The following DHRSX variants were observed in gnomAD, a reference collection of about 807,000 sequenced individuals.
DHRSX encodes dehydrogenase/reductase X-linked, also known as polyprenol dehydrogenase.
A neutral mutation model predicts 34.0 loss-of-function variants in DHRSX; 31 were observed. The ratio of observed to expected loss-of-function variants is 0.91; its 90% CI spans 0.69 to 1.23. The LOEUF (loss-of-function observed/expected upper bound fraction) is 1.23. Ranked by LOEUF, DHRSX falls within the 50% of genes most tolerant of loss-of-function variation. The pLI, the probability that DHRSX is intolerant of heterozygous loss-of-function variation, is 0.00. For missense variants in DHRSX, 414 were observed against 428.1 expected, an observed-to-expected ratio of 0.97 and a Z score of 0.29; for synonymous variants, 201 against 183.8, an observed-to-expected ratio of 1.09 and a Z score of -0.76.
At chrX:2,286,527 C>T (rs2041807186) in intron 4 of DHRSX, among the ~76,000 whole-genome samples, 1 of 152,152 alleles carries the variant, frequency 6.6e-6, no homozygotes, top group African/African-American at 2.4e-5. Flanking sequence ...CACGAAGCTC[C>T]ATGGTTCTGT....
At chrX:2,284,179 TAC>T (rs1163918352) in intron 4 of DHRSX, among the ~76,000 whole-genome samples, 1 of 128,274 alleles carries the variant, frequency 7.8e-6, no homozygotes, top group Admixed American at 7.6e-5. Context: ...TTTGAATTCA[TAC>T]ATTCCTTTCA....
chrX:2,447,871 CTTCA>C (rs61291621), intron 1 of DHRSX, among the ~76,000 whole-genome samples: 69,094 of 126,586 alleles, frequency 0.55, 21,769 homozygotes, highest in African/African-American at 0.82. Flanking sequence ...GGGAAGAATG[CTTCA>C]TGAAGTGTTT....
chrX:2,488,005 G>C (rs1483014789), intron 1 of DHRSX: 1 of 151,720 alleles, frequency 6.6e-6, no homozygotes, highest in Non-Finnish European at 1.5e-5. Flanking sequence ...AACCCTCCCA[G>C]GGAGAACTCG....
intron 1 of DHRSX, among the ~76,000 whole-genome samples, chrX:2,437,671 CAGAG>C (rs1208680585): frequency 0.014 from 1,961 of 142,986 alleles, 17 homozygotes; most frequent in African/African-American, 0.019. Context: ...CTAAGAGAGA[CAGAG>C]AGAGAGAGAG....
intron 3 of DHRSX, among the ~76,000 whole-genome samples, chrX:2,324,411 C>G (rs2042351473): frequency 6.6e-6 from 1 of 152,076 alleles, no homozygotes; most frequent in South Asian, 2.1e-4. Flanking sequence ...GCTCGGGGCC[C>G]CCACTTCTTC....
intron 1 of DHRSX, among the ~76,000 whole-genome samples, chrX:2,445,706 A>T (rs1421293249): frequency 6.6e-6 from 1 of 151,078 alleles, no homozygotes; most frequent in East Asian, 2.0e-4. Context: ...ACCACCCTGA[A>T]GACGTTCCCT....
chrX:2,333,023 G>A (rs2042500595), intron 3 of DHRSX, among the ~76,000 whole-genome samples: 1 of 152,094 alleles, frequency 6.6e-6, no homozygotes, highest in African/African-American at 2.4e-5. Context: ...AATAGGTGAT[G>A]GGCCTTTGCC....
intron 1 of DHRSX, among the ~76,000 whole-genome samples, chrX:2,441,653 T>C (rs1338476257): frequency 6.6e-6 from 1 of 152,084 alleles, no homozygotes; most frequent in African/African-American, 2.4e-5. Context: ...TCTTTTTACC[T>C]CTTAAGACCT....
intron 5 of DHRSX, among the ~76,000 whole-genome samples, chrX:2,263,606 C>T (rs1212088633): frequency 1.3e-5 from 2 of 151,510 alleles, no homozygotes; most frequent in Non-Finnish European, 2.9e-5. Context: ...CTCCGCCTCC[C>T]GGGTTCAAGC....
chrX:2,451,264 A>G (rs1254346750), intron 1 of DHRSX, among the ~76,000 whole-genome samples: 1 of 150,532 alleles, frequency 6.6e-6, no homozygotes, highest in Non-Finnish European at 1.5e-5. Context: ...TGCATCAAGA[A>G]TGAAAGGTGC....
At chrX:2,331,444 T>TTTTTTG (rs2042474247) in intron 3 of DHRSX, among the ~76,000 whole-genome samples, 2 of 67,680 alleles carry the variant, frequency 3.0e-5, no homozygotes, top group Non-Finnish European at 5.8e-5. Flanking sequence ...TGGTTTTTTT[T>TTTTTTG]TTTTTTTTTT....
intron 5 of DHRSX, among the ~76,000 whole-genome samples, chrX:2,262,830 C>T (rs2041382409): frequency 9.3e-3 from 1 of 108 alleles, no homozygotes; most frequent in African/African-American, 0.045. Context: ...TCATCCCACA[C>T]CCTTCAGAGC....
intron 1 of DHRSX, among the ~76,000 whole-genome samples, chrX:2,495,610 G>T (rs1569349824): frequency 6.6e-6 from 1 of 151,976 alleles, no homozygotes; most frequent in African/African-American, 2.4e-5. Flanking sequence ...CTGAACCCAC[G>T]TAACAGCCAC....
At chrX:2,374,747 CCAAAAAA>C (rs1569495092) in intron 3 of DHRSX, among the ~76,000 whole-genome samples, 1 of 133,788 alleles carries the variant, frequency 7.5e-6, no homozygotes, top group African/African-American at 2.5e-5. Context: ...CTCAAAAAAA[CCAAAAAA>C]CAAAAAACGA....
At chrX:2,303,074 G>A (rs1250283208) in intron 3 of DHRSX, among the ~76,000 whole-genome samples, 1 of 152,168 alleles carries the variant, frequency 6.6e-6, no homozygotes, top group Non-Finnish European at 1.5e-5. Flanking sequence ...ATTGGAACCA[G>A]TGATCAAAGG....
At chrX:2,340,462 A>G (rs780542409) in intron 3 of DHRSX, among the ~76,000 whole-genome samples, 46 of 148,464 alleles carry the variant, frequency 3.1e-4, no homozygotes, top group African/African-American at 8.5e-4. Context: ...GTGTGTGTGT[A>G]TATATATATA....
chrX:2,356,270 G>A (rs937330056), intron 3 of DHRSX, among the ~76,000 whole-genome samples: 1 of 152,052 alleles, frequency 6.6e-6, no homozygotes, highest in African/African-American at 2.4e-5. Context: ...AGCTACTCAC[G>A]AGGCTGAGGC....
chrX:2,265,593 C>T (rs2041445273), intron 5 of DHRSX, among the ~76,000 whole-genome samples: 1 of 136,948 alleles, frequency 7.3e-6, no homozygotes, highest in South Asian at 2.4e-4. Flanking sequence ...CCCCAGAGCA[C>T]CAGTGTACAG....
chrX:2,267,039 G>A, intron 4 of DHRSX, 92 bp from the exon 5 acceptor site: 1 of 1,310,946 alleles, frequency 7.6e-7, no homozygotes, highest in Middle Eastern at 1.9e-4. Context: ...AATGGCCCAG[G>A]ACATCGGAGG....
Sources: gnomAD v4.1 joint callset for allele counts (sites outside exome capture counted in the v4.1 genomes callset) on GRCh38, gnomAD v4.1.1 for gene constraint, MANE v1.5 for transcripts, NCBI Gene and HGNC (gene_info 2026-07-23, HGNC 2026-07-21) for gene names.